MYBPC1: variants seen among roughly 807,000 people sequenced by gnomAD.
MYBPC1 encodes the protein myosin-binding protein C, slow-type.
Under a neutral mutation model 147.1 loss-of-function variants are expected in MYBPC1, and 52 were observed. That is an observed-to-expected ratio of 0.35 (90% CI 0.28 to 0.45). MYBPC1 has a LOEUF of 0.45. Ranked by LOEUF, MYBPC1 falls within the 20% of genes least tolerant of loss-of-function variation. The pLI is 1.00. For synonymous variants in MYBPC1, 477 were observed against 475.9 expected (o/e 1.00, Z -0.03); for missense variants, 1,228 against 1,440.3 (o/e 0.85, Z 2.39).
At chr12:101,598,172 A>G (rs966289071) in intron 1 of MYBPC1, among the ~76,000 whole-genome samples, 1 of 152,010 alleles carries the variant, frequency 6.6e-6, no homozygotes, top group Non-Finnish European at 1.5e-5. Flanking sequence ...GGTGCCCACC[A>G]ACACGCCCAG....
intron 3 of MYBPC1, among the ~76,000 whole-genome samples, chr12:101,625,195 T>A (rs58463949): frequency 0.29 from 21,887 of 75,008 alleles, 1,821 homozygotes; most frequent in African/African-American, 0.48. Context: ...AAAAAAAAAA[T>A]AAATAAATAA....
At chr12:101,601,041 G>T (rs1279161540) in intron 1 of MYBPC1, among the ~76,000 whole-genome samples, 1 of 152,172 alleles carries the variant, frequency 6.6e-6, no homozygotes, top group Non-Finnish European at 1.5e-5. Context: ...ACACAGAAAG[G>T]TAGTAGCTGA....
At chr12:101,674,475 T>C (rs576909498) in intron 25 of MYBPC1, among the ~76,000 whole-genome samples, 4 of 152,274 alleles carry the variant, frequency 2.6e-5, no homozygotes, top group Admixed American at 2.0e-4. Context: ...ATAAATAAGG[T>C]TAGTTCTTAC....
chr12:101,626,912 T>A lies in MYBPC1; in HGVS notation c.142+2T>A, dbSNP rs745676608. 1.2e-6 allele frequency: 2 copies of A among 1,608,650 alleles called. No individual in the cohort carries two copies. Among genetic ancestry groups the A allele is most frequent in the African/African-American group, 2.7e-5 (2 of 74,806 alleles). On this transcript the variant is annotated splice_donor_variant, in intron 4 of 31. Coordinates refer to ENST00000361466, the MANE Select transcript of MYBPC1 (RefSeq NM_002465.4). LOFTEE classifies it high-confidence loss of function. ...CCCCGCCTAGCGCCTTGCCTCCAGG[T>A]TGGGATAATTTCTACCCTTTTCCCT...
intron 31 of MYBPC1, among the ~76,000 whole-genome samples, 157 bp from the exon 32 acceptor site, chr12:101,685,425 C>T (rs1449244758): frequency 6.6e-6 from 1 of 152,138 alleles, no homozygotes; most frequent in Admixed American, 6.5e-5. Context: ...TGTACTAAAT[C>T]CAGGAGAAGA....
intron 1 of MYBPC1, among the ~76,000 whole-genome samples, chr12:101,606,620 A>C (rs1882302597): frequency 6.6e-6 from 1 of 152,098 alleles, no homozygotes; most frequent in South Asian, 2.1e-4. Context: ...TTTTAAAAGT[A>C]TGTAATTCTG....
chr12:101,658,988 A>G (rs890490220), intron 18 of MYBPC1, among the ~76,000 whole-genome samples: 1 of 152,192 alleles, frequency 6.6e-6, no homozygotes. Context: ...GGGAATCAGA[A>G]AAATGTAATC....
chr12:101,648,250 A>T, intron 14 of MYBPC1, 100 bp downstream of exon 14: 2 of 806,150 alleles, frequency 2.5e-6, no homozygotes, highest in Non-Finnish European at 4.2e-6. Flanking sequence ...TAAACCTTTG[A>T]AAACAATCTC....
chr12:101,682,546 A>G (rs1318733075), intron 29 of MYBPC1, 58 bp from the exon 30 acceptor site: 2 of 1,498,858 alleles, frequency 1.3e-6, no homozygotes, highest in Non-Finnish European at 1.9e-6. Context: ...TTGTGAAAAA[A>G]GGTAAGAATG....
At chr12:101,690,206 C>T (rs1951394527), downstream of MYBPC1, among the ~76,000 whole-genome samples, 1 of 152,118 alleles carries the variant, frequency 6.6e-6, no homozygotes, top group Admixed American at 6.5e-5. Context: ...CTTTCTAGCC[C>T]TGCCCCAGAT....
At chr12:101,629,829 C>T (rs537092938) in intron 6 of MYBPC1, among the ~76,000 whole-genome samples, 40 of 151,832 alleles carry the variant, frequency 2.6e-4, no homozygotes, top group African/African-American at 8.9e-4. Context: ...ACCGAGATCG[C>T]GCCACTGCAT....
At chr12:101,612,968 T>C (rs1340805606) in intron 1 of MYBPC1, among the ~76,000 whole-genome samples, 1 of 152,244 alleles carries the variant, frequency 6.6e-6, no homozygotes, top group East Asian at 1.9e-4. Context: ...TTTCACTGTA[T>C]CTGCAAATTA....
intron 19 of MYBPC1, 77 bp downstream of exon 19, chr12:101,659,908 C>G (rs1896234879): frequency 1.9e-6 from 3 of 1,541,326 alleles, no homozygotes; most frequent in African/African-American, 2.8e-5. Context: ...CTTCTTTGTC[C>G]TTTCCTTCCA....
At chr12:101,677,717 G>T (rs542793421) in intron 27 of MYBPC1, among the ~76,000 whole-genome samples, 10 of 152,226 alleles carry the variant, frequency 6.6e-5, no homozygotes, top group Non-Finnish European at 1.2e-4. Context: ...CACCTTTATT[G>T]TAGCTACACA....
chr12:101,644,805 G>C lies in MYBPC1; in HGVS notation c.965+9G>C, dbSNP rs763188045. 2 of 1,613,190 alleles carry C rather than the reference G, an allele frequency of 1.2e-6. No individual in the cohort carries two copies. The highest frequency in any genetic ancestry group is 3.3e-5 in the Admixed American group (2 of 59,974). On this transcript the variant is annotated intron_variant, in intron 12 of 31. Coordinates refer to ENST00000361466, the MANE Select transcript of MYBPC1 (RefSeq NM_002465.4). ...ATTCGACCCAGTACCAAGTAAGTGG[G>C]CTTTGCAAAAATCAGTGATAGCTCT...
chr12:101,636,583 C>A, intron 9 of MYBPC1, 89 bp from the exon 10 acceptor site: 3 of 1,044,374 alleles, frequency 2.9e-6, no homozygotes, highest in Non-Finnish European at 4.5e-6. Context: ...CACAAAATTG[C>A]ATATACGTTA....
chr12:101,651,469 G>A (rs1047001490), intron 16 of MYBPC1, 76 bp downstream of exon 16: 10 of 1,577,346 alleles, frequency 6.3e-6, no homozygotes, highest in Non-Finnish European at 7.8e-6. Flanking sequence ...TACATATTTG[G>A]TGAGGATATT....
Position 101,629,495 on chromosome 12 carries a change from G to A in MYBPC1, c.240G>A (p.Gln80=). 6.2e-7 allele frequency: 1 copy of A among 1,614,000 alleles called. No homozygotes were observed. Among genetic ancestry groups the A allele is most frequent in the East Asian group, 2.2e-5 (1 of 44,876 alleles). Residue 80 remains glutamine, a synonymous_variant, in exon 6 of 32, where the codon CAG becomes CAA. Coordinates refer to ENST00000361466, the MANE Select transcript of MYBPC1 (RefSeq NM_002465.4). ...EEQAKQNANS[Q]LSILFIEKPQ... ...AAGCCAAGCAGAATGCCAACTCCCA[G>A]CTGTCCATCTTGTTCATTGAAAAAC...
At chr12:101,686,468 A>G (rs1951348988), downstream of MYBPC1, among the ~76,000 whole-genome samples, 1 of 152,230 alleles carries the variant, frequency 6.6e-6, no homozygotes, top group African/African-American at 2.4e-5. Flanking sequence ...TGCTGATGGT[A>G]TCCATTCAAT....
Sources: gnomAD v4.1 joint callset for allele counts (sites outside exome capture counted in the v4.1 genomes callset) on GRCh38, gnomAD v4.1.1 for gene constraint, MANE v1.5 for transcripts, NCBI Gene and HGNC (gene_info 2026-07-23, HGNC 2026-07-21) for gene names.